The following RHOBTB1 variants were observed in gnomAD, a reference collection of about 807,000 sequenced individuals.
RHOBTB1 encodes the protein Rho related BTB domain containing 1.
In RHOBTB1, 40 loss-of-function variants were observed where a neutral mutation model predicts 71.6. The observed-to-expected ratio is 0.56, with a 90% CI of 0.43 to 0.73. The LOEUF is 0.73. Ranked by LOEUF, RHOBTB1 falls within the 30% of genes least tolerant of loss-of-function variation. The pLI, the probability that RHOBTB1 is intolerant of heterozygous loss-of-function variation, is 0.00. For synonymous variants in RHOBTB1, 319 were observed against 334.9 expected, an observed-to-expected ratio of 0.95 and a Z score of 0.52; for missense variants, 797 against 894.0, an observed-to-expected ratio of 0.89 and a Z score of 1.38.
chr10:60,925,558 G>A (rs546342466), intron 2 of RHOBTB1, among the ~76,000 whole-genome samples: 1 of 151,820 alleles, frequency 6.6e-6, no homozygotes. Context: ...CCCAAAATTA[G>A]TAGAAGAATT....
At chr10:60,914,112 A>G (rs1206028543) in intron 2 of RHOBTB1, among the ~76,000 whole-genome samples, 1 of 152,222 alleles carries the variant, frequency 6.6e-6, no homozygotes, top group Non-Finnish European at 1.5e-5. Context: ...TTAACCAAGC[A>G]GTAACTCACT....
upstream of RHOBTB1, among the ~76,000 whole-genome samples, chr10:61,001,628 C>T (rs1159542202): frequency 2.6e-5 from 4 of 152,016 alleles, no homozygotes; most frequent in Non-Finnish European, 5.9e-5. Flanking sequence ...CCACGGGTCC[C>T]TCCACATCCT....
intron 4 of RHOBTB1, among the ~76,000 whole-genome samples, chr10:60,903,186 C>A (rs1221829163): frequency 6.6e-6 from 1 of 152,106 alleles, no homozygotes; most frequent in East Asian, 1.9e-4. Context: ...TAGTGATTAG[C>A]TAGCTTGAGA....
intron 1 of RHOBTB1, among the ~76,000 whole-genome samples, chr10:60,990,580 T>A (rs2086830663): frequency 6.6e-6 from 1 of 152,192 alleles, no homozygotes; most frequent in Non-Finnish European, 1.5e-5. Flanking sequence ...TTCTCAGTCT[T>A]CTTTCAACTC....
the RHOBTB1 span, among the ~76,000 whole-genome samples, chr10:60,864,004 C>T: frequency 6.6e-6 from 1 of 152,186 alleles, no homozygotes; most frequent in Non-Finnish European, 1.5e-5. Context: ...CCCTCCCCCT[C>T]CACTGCCTGA....
chr10:60,943,659 C>G (rs1472252887), intron 1 of RHOBTB1, among the ~76,000 whole-genome samples: 1 of 152,228 alleles, frequency 6.6e-6, no homozygotes, highest in Admixed American at 6.5e-5. Context: ...GCACCACCCC[C>G]TCCCTGGCGC....
chr10:60,923,476 A>G (rs1483536455), intron 2 of RHOBTB1, among the ~76,000 whole-genome samples: 2 of 152,236 alleles, frequency 1.3e-5, no homozygotes, highest in East Asian at 1.9e-4. Context: ...ATGTTGTAAA[A>G]TTAATTAGTG....
chr10:60,861,741 A>G, the RHOBTB1 span, among the ~76,000 whole-genome samples: 1 of 152,190 alleles, frequency 6.6e-6, no homozygotes, highest in South Asian at 2.1e-4. Flanking sequence ...ATTCACCCAT[A>G]TTACCAATGT....
Position 60,892,852 on chromosome 10 carries a change from G to T in RHOBTB1, c.440C>A (p.Ala147Asp). The change falls in exon 5 of 11, where the codon GCC becomes GAC. Residue 147 changes from alanine to aspartate, a missense_variant. Coordinates refer to ENST00000337910, the MANE Select transcript of RHOBTB1 (RefSeq NM_014836.5). ...GGCTCGATTAACAGCTTCCAGGTCG[G>T]CATAGCGGAGATCAAGCTGGCACCC... ...LVGCQLDLRY[A>D]DLEAVNRARR... 3.1e-6 allele frequency: 5 copies of T among 1,613,856 alleles called. No homozygotes were observed. Among genetic ancestry groups the T allele is most frequent in the Non-Finnish European group, 4.2e-6 (5 of 1,179,892 alleles).
downstream of RHOBTB1, among the ~76,000 whole-genome samples, chr10:60,868,561 T>C (rs1360147875): frequency 1.3e-5 from 2 of 152,150 alleles, no homozygotes; most frequent in Non-Finnish European, 2.9e-5. Context: ...CATGAAAAAA[T>C]CTCTTAGAAA....
chr10:60,973,889 G>A (rs1158488701), intron 2 of RHOBTB1, among the ~76,000 whole-genome samples: 3 of 151,980 alleles, frequency 2.0e-5, no homozygotes, highest in Non-Finnish European at 2.9e-5. Flanking sequence ...TATCTTTGAC[G>A]ATGATCTTTT....
At chr10:60,885,852 A>G (rs146889727) in intron 7 of RHOBTB1, among the ~76,000 whole-genome samples, 2 of 152,282 alleles carry the variant, frequency 1.3e-5, no homozygotes, top group African/African-American at 4.8e-5. Context: ...GATATATGGC[A>G]TGTAAAGCAC....
chr10:60,968,405 T>C (rs561259589), intron 2 of RHOBTB1, among the ~76,000 whole-genome samples: 4 of 152,136 alleles, frequency 2.6e-5, no homozygotes, highest in Non-Finnish European at 5.9e-5. Flanking sequence ...AACAGGAGTA[T>C]GAGCACCAAA....
the RHOBTB1 span, among the ~76,000 whole-genome samples, chr10:60,863,086 T>A: frequency 2.0e-5 from 3 of 152,150 alleles, no homozygotes; most frequent in East Asian, 1.9e-4. Flanking sequence ...AGGGTGATGA[T>A]GGGGGTGGTG....
At chr10:60,940,754 CA>C (rs963689642) in intron 2 of RHOBTB1, among the ~76,000 whole-genome samples, 3 of 151,670 alleles carry the variant, frequency 2.0e-5, no homozygotes, top group Admixed American at 6.6e-5. Context: ...TCTATCCAGA[CA>C]AAAAAAATGT....
Position 60,958,139 on chromosome 10 carries a change from T to C in RHOBTB1, c.-61-16285A>G, listed in dbSNP as rs574367197. ...CGTCAAACTAAAGGAGGTAGAAAAG[T>C]CAAGCACCTCTAAAGGAAAGAAATC... On this transcript the variant is annotated intron_variant, in intron 2 of 11. Transcript: ENST00000357917. Among the ~76,000 whole-genome samples, 255 of 152,210 alleles carry C rather than the reference T, an allele frequency of 1.7e-3. 2 individuals are homozygous for C. Among genetic ancestry groups the C allele is most frequent in the African/African-American group, 5.9e-3 (247 of 41,544 alleles).
In RHOBTB1 at chr10:60,940,213, G is replaced by A. The variant is rs1182476416; in HGVS notation, c.-11+1591C>T. On this transcript the variant is annotated intron_variant, in intron 2 of 10. Transcript: ENST00000337910. ...GATTTTAGAGCTATTAGCTTGAGTG[G>A]GGGTTATCAGCACATTAAAAAAGAT... Among the ~76,000 whole-genome samples the A allele has an allele frequency of 2.0e-5, 3 of 152,184 alleles. No individual in the cohort carries two copies. In the East Asian group the frequency reaches 5.8e-4, roughly 29 times the overall value.
chr10:60,950,952 G>C (rs2085389489), intron 2 of RHOBTB1, among the ~76,000 whole-genome samples: 1 of 152,170 alleles, frequency 6.6e-6, no homozygotes, highest in African/African-American at 2.4e-5. Context: ...CCGTTGACTT[G>C]CAACTGCTGT....
At chr10:60,977,122 G>T (rs1424802198) in intron 2 of RHOBTB1, among the ~76,000 whole-genome samples, 1 of 152,046 alleles carries the variant, frequency 6.6e-6, no homozygotes, top group East Asian at 1.9e-4. Context: ...AGAATAAAAT[G>T]ACTGAAATTT....
Sources: gnomAD v4.1 joint callset for allele counts (sites outside exome capture counted in the v4.1 genomes callset) on GRCh38, gnomAD v4.1.1 for gene constraint, MANE v1.5 for transcripts, NCBI Gene and HGNC (gene_info 2026-07-23, HGNC 2026-07-21) for gene names.